Variants in FAM222A observed in about 807,000 individuals in gnomAD.
FAM222A encodes the protein protein FAM222A.
Under a neutral mutation model 25.8 loss-of-function variants are expected in FAM222A, and 7 were observed. The ratio of observed to expected loss-of-function variants is 0.27; its 90% CI spans 0.15 to 0.51. The LOEUF (loss-of-function observed/expected upper bound fraction) is 0.51. Ranked by LOEUF, FAM222A falls within the 20% of genes least tolerant of loss-of-function variation. FAM222A has a pLI of 0.97. For synonymous variants in FAM222A, 294 were observed against 298.8 expected (o/e 0.98, Z 0.17); for missense variants, 573 against 640.5 (o/e 0.89, Z 1.14).
intron 2 of FAM222A, among the ~76,000 whole-genome samples, chr12:109,752,112 C>A (rs755981318): frequency 6.6e-6 from 1 of 152,186 alleles, no homozygotes; most frequent in Non-Finnish European, 1.5e-5. Context: ...TTGCTACTGT[C>A]CCCCTGTCAA....
At chr12:109,747,492 A>G (rs1888435113) in intron 2 of FAM222A, among the ~76,000 whole-genome samples, 1 of 152,170 alleles carries the variant, frequency 6.6e-6, no homozygotes, top group Non-Finnish European at 1.5e-5. Flanking sequence ...TGTCTGAACT[A>G]TAGAATCAAT....
chr12:109,715,716 A>C lies in FAM222A; in HGVS notation c.-47+819A>C, dbSNP rs576425442. ...AGGACAGGTGTTCAGAGCTTTGCCC[A>C]TGTAGCCTGGCCTGTGCCTCGGGGC... On this transcript the variant is annotated intron_variant, in intron 1 of 2. Transcript: ENST00000538780. Among the ~76,000 whole-genome samples the C allele has an allele frequency of 3.9e-5, 6 of 152,288 alleles. No homozygotes were observed. The South Asian group carries it at 8.3e-4, about 21-fold the overall frequency.
At chr12:109,756,240 T>G (rs572975500) in intron 2 of FAM222A, among the ~76,000 whole-genome samples, 2 of 152,214 alleles carry the variant, frequency 1.3e-5, no homozygotes, top group Non-Finnish European at 2.9e-5. Flanking sequence ...TGTGAATAAA[T>G]AGAGTTGATT....
At position 109,769,059 on chromosome 12, in the gene FAM222A, C is replaced by T. The variant is rs1270584204; in HGVS notation, c.1130C>T (p.Ala377Val). Reference protein sequence around the residue: ...VVVTELGPGAARELAGPPADA... With the variant: ...VVVTELGPGAVRELAGPPADA... Reference sequence around the variant, plus strand: ...GTCACGGAGCTGGGGCCGGGGGCAGCCCGGGAGCTGGCTGGGCCCCCTGCA... The same window carrying T: ...GTCACGGAGCTGGGGCCGGGGGCAGTCCGGGAGCTGGCTGGGCCCCCTGCA... The change falls in exon 3 of 3, where the codon GCC becomes GTC. Residue 377 changes from alanine to valine, a missense_variant. This residue lies in a region of FAM222A where 412 missense variants were observed against 407.0 expected (regional missense o/e 1.01). Transcript: ENST00000538780. The T allele has an allele frequency of 2.5e-6, 4 of 1,593,026 alleles. No individual in the cohort carries two copies. Among genetic ancestry groups the T allele is most frequent in the South Asian group, 1.1e-5 (1 of 88,776 alleles).
intron 2 of FAM222A, among the ~76,000 whole-genome samples, chr12:109,746,368 A>G (rs965581441): frequency 6.6e-6 from 1 of 152,100 alleles, no homozygotes; most frequent in Non-Finnish European, 1.5e-5. Flanking sequence ...ACATGCCTGT[A>G]ATCCCAGCTG....
chr12:109,757,000 A>G (rs930586421), intron 2 of FAM222A, among the ~76,000 whole-genome samples: 1 of 152,176 alleles, frequency 6.6e-6, no homozygotes, highest in African/African-American at 2.4e-5. Flanking sequence ...TTTGATTGCT[A>G]ATTCAATCTC....
intron 2 of FAM222A, among the ~76,000 whole-genome samples, chr12:109,767,440 G>A (rs1889088041): frequency 6.6e-6 from 1 of 152,174 alleles, no homozygotes; most frequent in African/African-American, 2.4e-5. Flanking sequence ...AGGCTGTAGT[G>A]AGCCATGACT....
intron 2 of FAM222A, among the ~76,000 whole-genome samples, chr12:109,762,983 C>T (rs1291994926): frequency 2.0e-5 from 3 of 152,216 alleles, no homozygotes; most frequent in East Asian, 1.9e-4. Context: ...GACTGGGGCT[C>T]AGGGCCACCA....
chr12:109,731,900 G>A (rs539870467), intron 1 of FAM222A, among the ~76,000 whole-genome samples: 4 of 152,356 alleles, frequency 2.6e-5, no homozygotes, highest in African/African-American at 4.8e-5. Context: ...GTTCAGGTGG[G>A]ATTTATTGAG....
At chr12:109,737,770 C>G (rs746729935) in intron 1 of FAM222A, among the ~76,000 whole-genome samples, 16 of 152,146 alleles carry the variant, frequency 1.1e-4, no homozygotes, top group Non-Finnish European at 1.5e-4. Flanking sequence ...GAAAATTACC[C>G]TCGCCTCCTC....
intron 2 of FAM222A, among the ~76,000 whole-genome samples, chr12:109,750,385 G>T (rs1335851369): frequency 6.6e-6 from 1 of 152,170 alleles, no homozygotes; most frequent in Non-Finnish European, 1.5e-5. Context: ...ACGATATCAG[G>T]CTTGGCACAG....
chr12:109,738,153 A>T (rs1316284457), intron 1 of FAM222A, among the ~76,000 whole-genome samples: 7 of 152,086 alleles, frequency 4.6e-5, no homozygotes, highest in Non-Finnish European at 1.5e-5. Context: ...GGTTGGGGGA[A>T]GCTTGCACCT....
intron 2 of FAM222A, among the ~76,000 whole-genome samples, chr12:109,763,687 G>A (rs1409701132): frequency 2.0e-5 from 3 of 152,212 alleles, no homozygotes; most frequent in Non-Finnish European, 2.9e-5. Flanking sequence ...CTGAGCCCTG[G>A]AAGCCATATT....
At chr12:109,724,563 T>TC (rs1034051351) in intron 1 of FAM222A, among the ~76,000 whole-genome samples, 14 of 152,018 alleles carry the variant, frequency 9.2e-5, no homozygotes, top group South Asian at 2.1e-4. Context: ...AGATGAGGCT[T>TC]CCCCCGGGGC....
intron 2 of FAM222A, among the ~76,000 whole-genome samples, 176 bp from the exon 3 acceptor site, chr12:109,767,836 G>A (rs1889100575): frequency 6.6e-6 from 1 of 152,198 alleles, no homozygotes; most frequent in African/African-American, 2.4e-5. Flanking sequence ...AGTCCATCAA[G>A]CTTATGATGC....
chr12:109,766,251 T>A (rs1401887081), intron 2 of FAM222A, among the ~76,000 whole-genome samples: 1 of 152,050 alleles, frequency 6.6e-6, no homozygotes, highest in African/African-American at 2.4e-5. Flanking sequence ...CCATACCCCC[T>A]CAGCCCCGGA....
intron 1 of FAM222A, among the ~76,000 whole-genome samples, chr12:109,730,709 C>T (rs1337414792): frequency 2.0e-5 from 3 of 152,206 alleles, no homozygotes; most frequent in Non-Finnish European, 4.4e-5. Flanking sequence ...TGGCACACCA[C>T]AGGTGCTCAG....
intron 1 of FAM222A, among the ~76,000 whole-genome samples, chr12:109,723,005 G>A (rs187243354): frequency 9.9e-5 from 15 of 151,618 alleles, no homozygotes; most frequent in Middle Eastern, 3.2e-3. Flanking sequence ...GAGCGGGTGG[G>A]GGGGGGAGGG....
chr12:109,732,014 C>G lies in FAM222A; in HGVS notation c.-46-12087C>G, dbSNP rs755864631. Reference sequence around the variant, plus strand: ...GCTGTGCACCCTGGGCAAGCCACACCATCTGTGGACACAACCTTCTCACGC... The same window carrying G: ...GCTGTGCACCCTGGGCAAGCCACACGATCTGTGGACACAACCTTCTCACGC... On this transcript the variant is annotated intron_variant, in intron 1 of 2. Coordinates refer to ENST00000538780, the MANE Select transcript of FAM222A (RefSeq NM_032829.3). Among the ~76,000 whole-genome samples the G allele has an allele frequency of 2.0e-5, 3 of 152,290 alleles. No individual in the cohort carries two copies. In the East Asian group the frequency reaches 5.8e-4, roughly 29 times the overall value.
Sources: allele counts gnomAD v4.1 joint callset (sites outside exome capture counted in the v4.1 genomes callset), GRCh38; gene constraint gnomAD v4.1.1; regional missense constraint gnomAD v4.1.1; transcripts MANE v1.5; gene names NCBI Gene and HGNC (gene_info 2026-07-23, HGNC 2026-07-21).